NCAM2: variants seen among roughly 807,000 people sequenced by gnomAD.
NCAM2 encodes the protein neural cell adhesion molecule 2.
In NCAM2, 30 loss-of-function variants were observed where a neutral mutation model predicts 98.1. That is an observed-to-expected ratio of 0.31 (90% confidence interval 0.23 to 0.41). The LOEUF is 0.41. Among genes scored for constraint, NCAM2 ranks in the 10% least tolerant of loss-of-function variants. The pLI is 1.00. For missense variants in NCAM2, 867 were observed against 1,005.8 expected (o/e 0.86, Z 1.87); for synonymous variants, 368 against 342.4 (o/e 1.07, Z -0.83).
At chr21:21,304,031 A>G (rs919643975) in intron 5 of NCAM2, among the ~76,000 whole-genome samples, 1 of 152,144 alleles carries the variant, frequency 6.6e-6, no homozygotes, top group South Asian at 2.1e-4. Context: ...CAAATATGTG[A>G]TTTAGAAATA....
intron 1 of NCAM2, among the ~76,000 whole-genome samples, chr21:21,185,801 C>T (rs899232054): frequency 6.6e-6 from 1 of 152,116 alleles, no homozygotes; most frequent in Non-Finnish European, 1.5e-5. Context: ...TGAGAAATAA[C>T]ATCTAAAGGA....
intron 1 of NCAM2, among the ~76,000 whole-genome samples, chr21:21,272,476 A>G (rs1213599841): frequency 1.4e-5 from 2 of 145,300 alleles, no homozygotes; most frequent in Non-Finnish European, 3.0e-5. Flanking sequence ...CCAGAAAAAA[A>G]CACGCACACA....
chr21:21,106,055 A>G (rs570035945), intron 1 of NCAM2, among the ~76,000 whole-genome samples: 6 of 152,204 alleles, frequency 3.9e-5, no homozygotes, highest in Admixed American at 3.3e-4. Context: ...TGTGTATGTA[A>G]AAAGGCAGTA....
At chr21:21,264,959 G>GTATATATACACATATATATTATATA (rs1568854799) in intron 1 of NCAM2, among the ~76,000 whole-genome samples, 13,954 of 91,268 alleles carry the variant, frequency 0.15, 1,997 homozygotes, top group Non-Finnish European at 0.17. Context: ...ATATGTGTAT[G>GTATATATACACATATATATTATATA]TGTATATATA....
chr21:21,515,224 G>A (rs1358942577), intron 16 of NCAM2, among the ~76,000 whole-genome samples: 2 of 152,064 alleles, frequency 1.3e-5, no homozygotes, highest in Admixed American at 6.6e-5. Flanking sequence ...TTCACATGCA[G>A]TCCTTTTGGG....
intron 6 of NCAM2, among the ~76,000 whole-genome samples, chr21:21,326,317 T>C (rs1208507050): frequency 6.6e-6 from 1 of 152,236 alleles, no homozygotes; most frequent in Non-Finnish European, 1.5e-5. Flanking sequence ...TTTATGTTGA[T>C]GTTAAGTTAT....
intron 12 of NCAM2, among the ~76,000 whole-genome samples, chr21:21,464,960 C>T (rs1315705320): frequency 6.6e-6 from 1 of 151,958 alleles, no homozygotes; most frequent in Non-Finnish European, 1.5e-5. Flanking sequence ...CCCAATTGGC[C>T]TCCCTTAAAT....
At chr21:21,395,800 G>T (rs557579354) in intron 9 of NCAM2, among the ~76,000 whole-genome samples, 3 of 126,020 alleles carry the variant, frequency 2.4e-5, no homozygotes, top group African/African-American at 8.6e-5. Context: ...TGGGATAATT[G>T]GCAAGCCACA....
intron 1 of NCAM2, among the ~76,000 whole-genome samples, chr21:21,121,817 C>T (rs2066681343): frequency 6.6e-6 from 1 of 152,234 alleles, no homozygotes; most frequent in African/African-American, 2.4e-5. Flanking sequence ...GATCTGCTGC[C>T]TGTGTTACGA....
chr21:21,152,279 C>A (rs924769556), intron 1 of NCAM2, among the ~76,000 whole-genome samples: 1 of 151,822 alleles, frequency 6.6e-6, no homozygotes, highest in Non-Finnish European at 1.5e-5. Flanking sequence ...TTATTTTTTC[C>A]CAATGGTTTC....
At chr21:21,168,476 T>G (rs2068020576) in intron 1 of NCAM2, among the ~76,000 whole-genome samples, 1 of 152,142 alleles carries the variant, frequency 6.6e-6, no homozygotes, top group South Asian at 2.1e-4. Context: ...GGAAAAGACA[T>G]ACAGACTGGA....
At chr21:21,108,689 G>T (rs2066397120) in intron 1 of NCAM2, among the ~76,000 whole-genome samples, 1 of 151,968 alleles carries the variant, frequency 6.6e-6, no homozygotes, top group Non-Finnish European at 1.5e-5. Context: ...GCATTCCTTG[G>T]TTTAGGATTT....
intron 12 of NCAM2, among the ~76,000 whole-genome samples, chr21:21,454,889 C>G (rs951962320): frequency 1.1e-4 from 17 of 151,972 alleles, no homozygotes; most frequent in African/African-American, 3.9e-4. Context: ...ATAACAGAAA[C>G]AGGTTGCACT....
chr21:21,385,263 C>T (rs232428), intron 9 of NCAM2, among the ~76,000 whole-genome samples: 80 of 151,754 alleles, frequency 5.3e-4, no homozygotes, highest in Non-Finnish European at 9.3e-4. Context: ...AAGCTATTGT[C>T]GTAATTAAAT....
intron 1 of NCAM2, among the ~76,000 whole-genome samples, chr21:21,197,477 G>A (rs2069046825): frequency 6.6e-6 from 1 of 152,144 alleles, no homozygotes; most frequent in African/African-American, 2.4e-5. Flanking sequence ...CTTTGTAGCT[G>A]TGCAGAAACA....
intron 12 of NCAM2, among the ~76,000 whole-genome samples, chr21:21,443,677 C>G (rs2146092181): frequency 6.6e-6 from 1 of 152,128 alleles, no homozygotes; most frequent in South Asian, 2.1e-4. Context: ...TTTAAGTACT[C>G]AGTGAGAGAT....
At chr21:21,255,826 G>A (rs1467793902) in intron 1 of NCAM2, among the ~76,000 whole-genome samples, 11 of 152,124 alleles carry the variant, frequency 7.2e-5, no homozygotes, top group Admixed American at 6.6e-4. Flanking sequence ...GAGTCTCAGA[G>A]CACCAGAGTC....
intron 1 of NCAM2, among the ~76,000 whole-genome samples, chr21:21,070,998 G>A (rs1400378164): frequency 6.6e-6 from 1 of 152,146 alleles, no homozygotes; most frequent in Non-Finnish European, 1.5e-5. Context: ...GGGAAATAAA[G>A]TTTTGAGAGT....
intron 5 of NCAM2, among the ~76,000 whole-genome samples, chr21:21,316,408 T>C (rs925632427): frequency 6.6e-6 from 1 of 152,088 alleles, no homozygotes; most frequent in Non-Finnish European, 1.5e-5. Flanking sequence ...CTTGCCAAAA[T>C]TGAAACACCA....
Sources: allele counts gnomAD v4.1 joint callset (sites outside exome capture counted in the v4.1 genomes callset), GRCh38; gene constraint gnomAD v4.1.1; transcripts MANE v1.5; gene names NCBI Gene and HGNC (gene_info 2026-07-23, HGNC 2026-07-21).